The following SHLD1 variants were observed in gnomAD, a reference collection of about 807,000 sequenced individuals.
The protein encoded by SHLD1 is shieldin complex subunit 1.
A neutral mutation model predicts 5.5 loss-of-function variants in SHLD1; 3 were observed. That is an observed-to-expected ratio of 0.54 (90% confidence interval 0.25 to 1.40). The LOEUF is 1.40. SHLD1 is among the 40% of genes most tolerant of loss of function. The pLI is 0.15. For synonymous variants in SHLD1, 92 were observed against 94.3 expected (o/e 0.98, Z 0.14); for missense variants, 210 against 244.4 (o/e 0.86, Z 0.94).
chr20:5,803,955 G>C (rs2087337178), intron 2 of SHLD1, among the ~76,000 whole-genome samples: 1 of 151,630 alleles, frequency 6.6e-6, no homozygotes, highest in African/African-American at 2.4e-5. Flanking sequence ...TGGAGGTTGA[G>C]GGCCTGTCTT....
rs778226716 is a variant in SHLD1, at chr20:5,772,861, G to C, written c.-4-1G>C. 1.9e-6 allele frequency: 3 copies of C among 1,609,064 alleles called. No homozygotes were observed. The South Asian group carries it at 3.3e-5, about 18-fold the overall frequency. On this transcript the variant is annotated splice_acceptor_variant, in intron 1 of 2. Transcript: ENST00000303142. LOFTEE classifies it low-confidence loss of function (5UTR_SPLICE). ...GAATTGTTTTCTTTTTTCCATGGCA[G>C]GACTATGGCAGCCAGGGACGCCACT...
Position 5,863,365 on chromosome 20 carries a change from G to T in SHLD1, c.520G>T (p.Glu174Ter). The change falls in exon 3 of 3, where the codon GAA becomes TAA. Residue 174 changes from glutamate (E) to a stop codon, truncating the protein, a stop_gained. Transcript: ENST00000303142. LOFTEE classifies it low-confidence loss of function (END_TRUNC). The stretch of plus-strand genomic sequence containing the variant: ...GGACACCCACTTCTACCCACTGGAG[G>T]AAGGAAGTACATCTTTGGATGATGA... ...SRDTHFYPLEEGSTSLDDEKP... is the reference protein window; with the variant it reads ...SRDTHFYPLE 6.2e-7 allele frequency: 1 copy of T among 1,614,198 alleles called. No individual in the cohort carries two copies. Among genetic ancestry groups the T allele is most frequent in the East Asian group, 2.2e-5 (1 of 44,886 alleles).
At chr20:5,816,606 C>T (rs747110802) in intron 2 of SHLD1, among the ~76,000 whole-genome samples, 23 of 152,190 alleles carry the variant, frequency 1.5e-4, no homozygotes, top group African/African-American at 4.8e-4. Flanking sequence ...AGTGGCAGGA[C>T]GAGAACTGGA....
rs370950846 is a variant in SHLD1, at chr20:5,819,761, G to T, written c.179-43263G>T. 3.9e-5 allele frequency among the ~76,000 whole-genome samples: 6 copies of T among 152,316 alleles called. No individual in the cohort carries two copies. In the South Asian group the frequency reaches 1.2e-3, roughly 32 times the overall value. On this transcript the variant is annotated intron_variant, in intron 2 of 2. Coordinates refer to ENST00000303142, the MANE Select transcript of SHLD1 (RefSeq NM_152504.4). ...GGCTTGAGCCCAGGAAGCCAGGGCTGCAGTGAGCCATGATGGTGCAACTGC... is the reference window on the plus strand; with the variant it reads ...GGCTTGAGCCCAGGAAGCCAGGGCTTCAGTGAGCCATGATGGTGCAACTGC...
chr20:5,810,887 C>CAAAAAAAAA (rs10627373), intron 2 of SHLD1, among the ~76,000 whole-genome samples: 1 of 120,882 alleles, frequency 8.3e-6, no homozygotes. Context: ...GACTCTGTCT[C>CAAAAAAAAA]AAAAAAAAAA....
intron 2 of SHLD1, among the ~76,000 whole-genome samples, chr20:5,829,448 A>C (rs1343419359): frequency 6.6e-6 from 1 of 152,180 alleles, no homozygotes; most frequent in Non-Finnish European, 1.5e-5. Flanking sequence ...AAAAGATACT[A>C]ATCTCCCTCT....
At chr20:5,839,762 C>A (rs2087835343) in intron 2 of SHLD1, among the ~76,000 whole-genome samples, 1 of 152,176 alleles carries the variant, frequency 6.6e-6, no homozygotes, top group Admixed American at 6.5e-5. Flanking sequence ...CCATTAGAAA[C>A]TCCTAAAATA....
chr20:5,808,436 AC>A, intron 2 of SHLD1, among the ~76,000 whole-genome samples: 1 of 152,334 alleles, frequency 6.6e-6, no homozygotes, highest in East Asian at 1.9e-4. Flanking sequence ...CACAAACAGC[AC>A]GTATATCTTT....
chr20:5,820,026 C>A (rs1370363767), intron 2 of SHLD1, among the ~76,000 whole-genome samples: 1 of 152,204 alleles, frequency 6.6e-6, no homozygotes, highest in Non-Finnish European at 1.5e-5. Context: ...CAGCTCACTG[C>A]AACCTCCATC....
chr20:5,767,530 C>G (rs1301766423), intron 1 of SHLD1, among the ~76,000 whole-genome samples: 2 of 152,150 alleles, frequency 1.3e-5, no homozygotes, highest in Non-Finnish European at 2.9e-5. Flanking sequence ...GGTCCCTGAC[C>G]TCATTCATGT....
Position 5,855,624 on chromosome 20 carries a change from G to T in SHLD1, c.179-7400G>T, listed in dbSNP as rs929087181. Among the ~76,000 whole-genome samples the T allele has an allele frequency of 1.7e-4, 26 of 152,230 alleles. No homozygotes were observed. Among genetic ancestry groups the T allele is most frequent in the Admixed American group, 1.4e-3 (21 of 15,280 alleles). On this transcript the variant is annotated intron_variant, in intron 2 of 2. Coordinates refer to ENST00000303142, the MANE Select transcript of SHLD1 (RefSeq NM_152504.4). The surrounding 1 kb of genome is among the most constrained non-coding windows in gnomAD (Gnocchi z 4.4). ...TGGGCTCAAGAGATCCACTTTCCTT[G>T]GCCCCCCAAAGTGCTGGGATTATAG...
At chr20:5,844,799 A>ATATATATTTTT (rs1460082835) in intron 2 of SHLD1, among the ~76,000 whole-genome samples, 9 of 71,718 alleles carry the variant, frequency 1.3e-4, no homozygotes, top group Admixed American at 8.5e-4. Flanking sequence ...ATATATATAT[A>ATATATATTTTT]TTTTTTTTTT....
chr20:5,771,927 T>G, intron 1 of SHLD1: 1 of 285,150 alleles, frequency 3.5e-6, no homozygotes. Context: ...CAGGCTGGAG[T>G]GCAATAGCAC....
intron 2 of SHLD1, among the ~76,000 whole-genome samples, chr20:5,823,246 A>C (rs558778024): frequency 1.3e-4 from 19 of 150,588 alleles, no homozygotes; most frequent in Non-Finnish European, 2.2e-4. Flanking sequence ...TCTTCAAGGC[A>C]CTTCTTACTG....
intron 2 of SHLD1, among the ~76,000 whole-genome samples, chr20:5,839,573 A>T (rs2122463933): frequency 6.6e-6 from 1 of 152,306 alleles, no homozygotes; most frequent in African/African-American, 2.4e-5. Flanking sequence ...TATACCACAG[A>T]TGTGTGGAAG....
intron 2 of SHLD1, among the ~76,000 whole-genome samples, chr20:5,778,575 C>T (rs1451228928): frequency 6.7e-6 from 1 of 148,968 alleles, no homozygotes; most frequent in African/African-American, 2.5e-5. Flanking sequence ...CTACTGCACC[C>T]CAACCTGGGC....
intron 2 of SHLD1, among the ~76,000 whole-genome samples, chr20:5,832,830 A>G (rs60120831): frequency 1.1e-5 from 1 of 91,384 alleles, no homozygotes; most frequent in Non-Finnish European, 2.8e-5. Flanking sequence ...TAAATAAATA[A>G]ATAAATAAAT....
chr20:5,824,855 G>T (rs2087648240), intron 2 of SHLD1, among the ~76,000 whole-genome samples: 1 of 152,114 alleles, frequency 6.6e-6, no homozygotes, highest in Non-Finnish European at 1.5e-5. Flanking sequence ...ATCTAAAGTT[G>T]TGGATGAATT....
intron 2 of SHLD1, among the ~76,000 whole-genome samples, chr20:5,802,613 T>C (rs536866135): frequency 6.6e-6 from 1 of 152,204 alleles, no homozygotes; most frequent in Admixed American, 6.5e-5. Flanking sequence ...GTCTTTTCTT[T>C]TCTTCTTTCC....
Sources: allele counts gnomAD v4.1 joint callset (sites outside exome capture counted in the v4.1 genomes callset), GRCh38; gene constraint gnomAD v4.1.1; non-coding constraint Gnocchi (gnomAD v3.1); transcripts MANE v1.5; gene names NCBI Gene and HGNC (gene_info 2026-07-23, HGNC 2026-07-21).